EXOC4: variants seen among roughly 807,000 people sequenced by gnomAD.
EXOC4 encodes SEC8-like 1.
In EXOC4, 71 loss-of-function variants were observed where a neutral mutation model predicts 107.2. That is an observed-to-expected ratio of 0.66 (90% CI 0.55 to 0.81). EXOC4 has a LOEUF of 0.81. Among genes scored for constraint, EXOC4 ranks in the 30% least tolerant of loss-of-function variants. The pLI is 0.00. For missense variants in EXOC4, 1,108 were observed against 1,189.6 expected (o/e 0.93, Z 1.01); for synonymous variants, 456 against 441.2 (o/e 1.03, Z -0.42).
chr7:133,817,163 T>C (rs1171372773), intron 10 of EXOC4, among the ~76,000 whole-genome samples, 162 bp from the exon 11 acceptor site: 2 of 152,192 alleles, frequency 1.3e-5, no homozygotes, highest in African/African-American at 4.8e-5. Flanking sequence ...AGTGGAGTAA[T>C]TTAGATTTTT....
intron 6 of EXOC4, among the ~76,000 whole-genome samples, chr7:133,374,197 T>A (rs1796436960): frequency 6.6e-6 from 1 of 152,208 alleles, no homozygotes; most frequent in Non-Finnish European, 1.5e-5. Context: ...TGTCCTTGAG[T>A]ATATAAAATT....
At chr7:133,556,541 A>G (rs1800693836) in intron 9 of EXOC4, among the ~76,000 whole-genome samples, 1 of 152,184 alleles carries the variant, frequency 6.6e-6, no homozygotes, top group South Asian at 2.1e-4. Flanking sequence ...CTTTAATCAA[A>G]TATACCATGT....
chr7:133,612,076 T>A (rs150540432), intron 9 of EXOC4, among the ~76,000 whole-genome samples: 46 of 152,304 alleles, frequency 3.0e-4, no homozygotes, highest in African/African-American at 1.1e-3. Context: ...TAATCTTTAG[T>A]ATTCATGTTC....
At chr7:134,035,029 C>A (rs1477446246) in intron 17 of EXOC4, among the ~76,000 whole-genome samples, 1 of 145,100 alleles carries the variant, frequency 6.9e-6, no homozygotes, top group Admixed American at 6.9e-5. Flanking sequence ...GGTTTTTTTT[C>A]TTTTTTCTTT....
At chr7:133,880,331 C>T (rs1241984982) in intron 11 of EXOC4, among the ~76,000 whole-genome samples, 1 of 152,154 alleles carries the variant, frequency 6.6e-6, no homozygotes, top group East Asian at 1.9e-4. Context: ...ATTTCTATAT[C>T]TTCTCTAACA....
chr7:133,751,982 C>CAAATAAAT (rs138557946), intron 10 of EXOC4, among the ~76,000 whole-genome samples: 6,494 of 125,050 alleles, frequency 0.052, 258 homozygotes, highest in African/African-American at 0.1. Flanking sequence ...ATCTCTCTAC[C>CAAATAAAT]AAATAAATAA....
chr7:134,057,296 A>G (rs1038706379), intron 17 of EXOC4, among the ~76,000 whole-genome samples: 6 of 152,158 alleles, frequency 3.9e-5, no homozygotes, highest in African/African-American at 1.4e-4. Flanking sequence ...TATGTTTTCT[A>G]AAGACCATTA....
chr7:133,275,256 A>G, intron 2 of EXOC4, 85 bp downstream of exon 2: 2 of 1,087,098 alleles, frequency 1.8e-6, no homozygotes, highest in Middle Eastern at 2.3e-4. Context: ...GGTAGTGGCT[A>G]ATGGTCCTTA....
intron 6 of EXOC4, among the ~76,000 whole-genome samples, chr7:133,368,199 T>C (rs1429001847): frequency 6.6e-6 from 1 of 152,210 alleles, no homozygotes; most frequent in Non-Finnish European, 1.5e-5. Context: ...TTTTGTCACT[T>C]CTCTCAGTTC....
At chr7:134,022,115 G>A (rs1362131192) in intron 17 of EXOC4, among the ~76,000 whole-genome samples, 1 of 147,852 alleles carries the variant, frequency 6.8e-6, no homozygotes, top group Non-Finnish European at 1.5e-5. Flanking sequence ...AAAACATAAA[G>A]TAATTACTTG....
At chr7:133,953,944 A>G (rs1413141931) in intron 14 of EXOC4, among the ~76,000 whole-genome samples, 2 of 152,224 alleles carry the variant, frequency 1.3e-5, no homozygotes, top group Non-Finnish European at 2.9e-5. Flanking sequence ...TTTGAGCCAT[A>G]TGTGAAGTAC....
intron 10 of EXOC4, among the ~76,000 whole-genome samples, chr7:133,708,546 A>G (rs746201389): frequency 2.7e-4 from 41 of 152,212 alleles, no homozygotes; most frequent in Non-Finnish European, 5.1e-4. Flanking sequence ...CTGCCGTTGT[A>G]GAGGTTAAAT....
intron 10 of EXOC4, among the ~76,000 whole-genome samples, chr7:133,715,493 T>G (rs894436332): frequency 6.6e-6 from 1 of 151,924 alleles, no homozygotes; most frequent in Non-Finnish European, 1.5e-5. Flanking sequence ...TTTTTTTTTT[T>G]GGAAGGGGGA....
intron 7 of EXOC4, chr7:133,396,034 A>G (rs1432872094): frequency 1.3e-5 from 2 of 152,152 alleles, no homozygotes; most frequent in Admixed American, 6.5e-5. Context: ...GATCTTTAAT[A>G]GAGTAGTGGT....
chr7:133,986,230 G>A (rs534927662), intron 14 of EXOC4, among the ~76,000 whole-genome samples: 1 of 152,350 alleles, frequency 6.6e-6, no homozygotes, highest in African/African-American at 2.4e-5. Context: ...TGGGATCTGT[G>A]AAAAGAGGTA....
chr7:133,816,922 G>A (rs562205662), intron 10 of EXOC4, among the ~76,000 whole-genome samples: 34 of 152,116 alleles, frequency 2.2e-4, no homozygotes, highest in Non-Finnish European at 3.1e-4. Flanking sequence ...CTGGTTCATC[G>A]CCCGGTGTGG....
At chr7:133,676,273 G>A (rs1433031225) in intron 10 of EXOC4, among the ~76,000 whole-genome samples, 1 of 151,904 alleles carries the variant, frequency 6.6e-6, no homozygotes, top group Non-Finnish European at 1.5e-5. Flanking sequence ...ACCCGACAAA[G>A]TACATTACAT....
At chr7:133,922,738 A>G (rs576752648) in intron 13 of EXOC4, among the ~76,000 whole-genome samples, 22 of 152,080 alleles carry the variant, frequency 1.4e-4, no homozygotes, top group African/African-American at 5.1e-4. Flanking sequence ...GTCCCCAGCT[A>G]CTCAGGAGGC....
intron 9 of EXOC4, among the ~76,000 whole-genome samples, chr7:133,605,870 G>A (rs973726250): frequency 6.6e-6 from 1 of 152,092 alleles, no homozygotes; most frequent in Non-Finnish European, 1.5e-5. Context: ...GAGCCTGGGG[G>A]CACTCAAATG....
Sources: gnomAD v4.1 joint callset for allele counts (sites outside exome capture counted in the v4.1 genomes callset) on GRCh38, gnomAD v4.1.1 for gene constraint, MANE v1.5 for transcripts, NCBI Gene and HGNC (gene_info 2026-07-23, HGNC 2026-07-21) for gene names.